Variants in UBR1 observed in about 807,000 individuals in gnomAD.
UBR1 encodes the protein E3 ubiquitin-protein ligase UBR1.
In UBR1, 102 loss-of-function variants were observed where a neutral mutation model predicts 242.1. The observed-to-expected ratio is 0.42, with a 90% CI of 0.36 to 0.50. The LOEUF (loss-of-function observed/expected upper bound fraction) is 0.50, where lower values mean the gene tolerates loss of function less well. Ranked by LOEUF, UBR1 falls within the 20% of genes least tolerant of loss-of-function variation. The probability of loss-of-function intolerance (pLI) is 0.01; values close to 1 mark genes in which losing one functional copy is unlikely to be tolerated. For missense variants in UBR1, 1,772 were observed against 2,101.8 expected (o/e 0.84, Z 3.07); for synonymous variants, 675 against 684.8 (o/e 0.99, Z 0.22).
chr15:43,104,958 C>CACT (rs2034279374), intron 1 of UBR1, among the ~76,000 whole-genome samples: 2 of 152,090 alleles, frequency 1.3e-5, no homozygotes, highest in African/African-American at 4.8e-5. Context: ...TTCCTGAACT[C>CACT]GGAAGGTTGC....
chr15:42,989,126 A>G (rs2032518658), intron 34 of UBR1, among the ~76,000 whole-genome samples, 159 bp from the exon 35 acceptor site: 1 of 152,242 alleles, frequency 6.6e-6, no homozygotes, highest in African/African-American at 2.4e-5. Context: ...AGATTTATTC[A>G]GTTGGAAAAA....
chr15:43,082,350 TTTTG>T (rs1357513681), intron 3 of UBR1, among the ~76,000 whole-genome samples: 1 of 152,122 alleles, frequency 6.6e-6, no homozygotes, highest in Non-Finnish European at 1.5e-5. Flanking sequence ...GAGCTCAAAA[TTTTG>T]TTTGTTTTCT....
chr15:43,015,589 C>T, intron 29 of UBR1, 99 bp downstream of exon 29: 4 of 1,339,138 alleles, frequency 3.0e-6, no homozygotes, highest in South Asian at 2.4e-5. Context: ...CACTATTGTC[C>T]TATGACCCTG....
chr15:42,966,116 C>G, intron 41 of UBR1, 37 bp downstream of exon 41: 1 of 1,613,876 alleles, frequency 6.2e-7, no homozygotes. Context: ...AAGAAAATCT[C>G]CCATTTTCCA....
intron 30 of UBR1, among the ~76,000 whole-genome samples, chr15:43,006,503 C>T (rs1226701474): frequency 1.3e-5 from 2 of 152,208 alleles, no homozygotes; most frequent in Non-Finnish European, 2.9e-5. Context: ...CTCCTGAGCT[C>T]AAGTGATCCA....
Position 43,100,767 on chromosome 15 carries a change from G to A in UBR1, c.81+5175C>T, listed in dbSNP as rs181367407. ...GGAGAATCGCTTGAATCCGGGAGGC[G>A]GAGGTTGCAGTGAGCCGAGATCGCA... On this transcript the variant is annotated intron_variant, in intron 1 of 46. Transcript: ENST00000290650. 2.3e-3 allele frequency among the ~76,000 whole-genome samples: 349 copies of A among 152,212 alleles called. 3 individuals are homozygous for A. Among genetic ancestry groups the A allele is most frequent in the Non-Finnish European group, 8.7e-4 (59 of 68,002 alleles).
chr15:43,005,337 C>A (rs1450790388), intron 30 of UBR1, among the ~76,000 whole-genome samples: 4 of 143,696 alleles, frequency 2.8e-5, no homozygotes, highest in Non-Finnish European at 4.5e-5. Context: ...AGGTGGGGGG[C>A]AGCCCCCGCC....
intron 37 of UBR1, among the ~76,000 whole-genome samples, chr15:42,982,843 G>A (rs1004250421): frequency 5.3e-5 from 8 of 152,132 alleles, no homozygotes; most frequent in Admixed American, 3.3e-4. Flanking sequence ...GGAAGTGCAC[G>A]CTGAAACTAC....
chr15:43,050,157 C>T (rs1476416246), intron 12 of UBR1, among the ~76,000 whole-genome samples: 1 of 152,068 alleles, frequency 6.6e-6, no homozygotes, highest in South Asian at 2.1e-4. Flanking sequence ...CTATGTTGCC[C>T]AGGCTGGTTG....
chr15:43,030,152 A>G, intron 20 of UBR1, 84 bp from the exon 21 acceptor site: 1 of 1,427,212 alleles, frequency 7.0e-7, no homozygotes, highest in Non-Finnish European at 9.6e-7. Flanking sequence ...ACTTACACAC[A>G]GAACACTGCA....
intron 29 of UBR1, among the ~76,000 whole-genome samples, chr15:43,012,696 A>G (rs1004273666): frequency 2.0e-5 from 3 of 152,174 alleles, no homozygotes; most frequent in African/African-American, 7.2e-5. Flanking sequence ...TAGAGGTGGG[A>G]CTTTGGCTTG....
intron 12 of UBR1, among the ~76,000 whole-genome samples, chr15:43,049,826 T>G (rs908340781): frequency 2.0e-4 from 31 of 152,354 alleles, no homozygotes; most frequent in Non-Finnish European, 4.1e-4. Flanking sequence ...ATTCATGTTT[T>G]GTTGCTTTCT....
At chr15:43,015,040 G>C (rs1173737170) in intron 29 of UBR1, among the ~76,000 whole-genome samples, 8 of 150,828 alleles carry the variant, frequency 5.3e-5, no homozygotes, top group Non-Finnish European at 1.2e-4. Context: ...GCCCCCGCCC[G>C]GCCAGCCACC....
chr15:42,996,311 C>T lies in UBR1; in HGVS notation c.3757+1857G>A, dbSNP rs2032638209. ...GGGAACATAAAACTTTGTATGATAA[C>T]TTAGGCTGGGCACACTGGCTCATGC... On this transcript the variant is annotated intron_variant, in intron 33 of 46. Coordinates refer to ENST00000290650, the MANE Select transcript of UBR1 (RefSeq NM_174916.3). 2.6e-5 allele frequency among the ~76,000 whole-genome samples: 4 copies of T among 152,124 alleles called. No homozygotes were observed. The South Asian group carries it at 8.3e-4, about 32-fold the overall frequency.
At chr15:43,040,645 G>C (rs2033405098) in intron 15 of UBR1, among the ~76,000 whole-genome samples, 1 of 152,210 alleles carries the variant, frequency 6.6e-6, no homozygotes, top group African/African-American at 2.4e-5. Context: ...ACTACCGTCA[G>C]AGTGAACAGG....
chr15:43,031,171 T>C lies in UBR1; in HGVS notation c.2255-1103A>G, dbSNP rs149885903. On this transcript the variant is annotated intron_variant, in intron 20 of 46. Transcript: ENST00000290650. ...GATTTTCCACTATAGATCAGAAATA[T>C]AATTTTTTAAACAAAAATGTTGACT... Among the ~76,000 whole-genome samples the C allele has an allele frequency of 2.0e-5, 3 of 152,186 alleles. No homozygotes were observed. In the East Asian group the frequency reaches 5.8e-4, roughly 29 times the overall value.
chr15:43,051,246 A>G (rs1186897640), intron 12 of UBR1, among the ~76,000 whole-genome samples: 3 of 152,234 alleles, frequency 2.0e-5, no homozygotes, highest in Non-Finnish European at 4.4e-5. Context: ...ACAGCCAGAA[A>G]AAGAATGAGA....
chr15:42,949,974 G>A (rs2141248433), intron 46 of UBR1, among the ~76,000 whole-genome samples: 1 of 150,762 alleles, frequency 6.6e-6, no homozygotes, highest in East Asian at 2.0e-4. Context: ...AAGTAGCTGC[G>A]ATTACAGGCA....
intron 16 of UBR1, 100 bp downstream of exon 16, chr15:43,038,071 C>T: frequency 7.2e-7 from 1 of 1,383,454 alleles, no homozygotes; most frequent in Non-Finnish European, 1.0e-6. Context: ...AATGGGAATT[C>T]CTCAGGTGGG....
Sources: allele counts gnomAD v4.1 joint callset (sites outside exome capture counted in the v4.1 genomes callset), GRCh38; gene constraint gnomAD v4.1.1; transcripts MANE v1.5; gene names NCBI Gene and HGNC (gene_info 2026-07-23, HGNC 2026-07-21).